Variants in RIN2 observed in about 807,000 individuals in gnomAD.
The protein encoded by RIN2 is Ras and Rab interactor 2.
RIN2 carries 36 observed loss-of-function variants against 78.0 expected under a neutral mutation model. That is an observed-to-expected ratio of 0.46 (90% CI 0.35 to 0.61). The LOEUF is 0.61. RIN2 is among the 20% of genes least tolerant of loss of function. The pLI is 0.00. For synonymous variants in RIN2, 466 were observed against 466.8 expected, an observed-to-expected ratio of 1.00 and a Z score of 0.02; for missense variants, 1,087 against 1,159.7, an observed-to-expected ratio of 0.94 and a Z score of 0.91.
intron 3 of RIN2, among the ~76,000 whole-genome samples, chr20:19,902,335 C>T (rs2039024688): frequency 1.3e-5 from 2 of 152,148 alleles, no homozygotes; most frequent in Admixed American, 1.3e-4. Flanking sequence ...GCAGTCTCTC[C>T]TCCCACCACC....
At chr20:19,880,464 A>G (rs970104761) in intron 2 of RIN2, among the ~76,000 whole-genome samples, 2 of 123,828 alleles carry the variant, frequency 1.6e-5, no homozygotes, top group African/African-American at 3.2e-5. Flanking sequence ...GTGCAGTTGC[A>G]TGATTAATGC....
At chr20:19,888,336 C>T (rs2038288126) in intron 2 of RIN2, among the ~76,000 whole-genome samples, 1 of 152,180 alleles carries the variant, frequency 6.6e-6, no homozygotes, top group Admixed American at 6.5e-5. Context: ...AACCTTTGTG[C>T]AAAGATCCTT....
intron 2 of RIN2, among the ~76,000 whole-genome samples, chr20:19,856,371 AT>A (rs1005228631): frequency 1.3e-5 from 2 of 152,078 alleles, no homozygotes; most frequent in African/African-American, 2.4e-5. Flanking sequence ...TTAAAAAATA[AT>A]TTTAATTAGC....
At chr20:19,890,533 C>T (rs1011081671) in intron 3 of RIN2, among the ~76,000 whole-genome samples, 5 of 151,854 alleles carry the variant, frequency 3.3e-5, no homozygotes, top group African/African-American at 9.7e-5. Flanking sequence ...AGGAGGAAGA[C>T]GGAGGAGATT....
chr20:19,900,134 T>G (rs1300069100), intron 3 of RIN2, among the ~76,000 whole-genome samples: 1 of 152,188 alleles, frequency 6.6e-6, no homozygotes, highest in Non-Finnish European at 1.5e-5. Context: ...TTTTTTGGTT[T>G]TTTCCAAGTG....
intron 11 of RIN2, among the ~76,000 whole-genome samples, chr20:19,995,450 T>C (rs966664218): frequency 6.6e-6 from 1 of 152,118 alleles, no homozygotes; most frequent in African/African-American, 2.4e-5. Flanking sequence ...TAATAAACAT[T>C]CAGGGCGACC....
At chr20:19,776,529 C>T (rs867127461) in intron 1 of RIN2, among the ~76,000 whole-genome samples, 5 of 151,944 alleles carry the variant, frequency 3.3e-5, no homozygotes, top group South Asian at 2.1e-4. Flanking sequence ...GTCAGGAGTT[C>T]GAGACAAGCC....
At chr20:19,925,574 T>TA (rs1221374852) in intron 3 of RIN2, among the ~76,000 whole-genome samples, 9 of 152,056 alleles carry the variant, frequency 5.9e-5, no homozygotes, top group Non-Finnish European at 1.2e-4. Context: ...AACTTAATTT[T>TA]AAAAAATCAA....
At chr20:19,959,702 T>G (rs564006113) in intron 5 of RIN2, among the ~76,000 whole-genome samples, 1 of 152,238 alleles carries the variant, frequency 6.6e-6, no homozygotes, top group African/African-American at 2.4e-5. Context: ...GGTGTTTAAA[T>G]GCAGAGGAAA....
At chr20:19,815,183 C>A (rs771774028) in intron 2 of RIN2, among the ~76,000 whole-genome samples, 1 of 152,122 alleles carries the variant, frequency 6.6e-6, no homozygotes, top group Non-Finnish European at 1.5e-5. Context: ...AGTCTAACAA[C>A]AATGAATCCA....
At chr20:19,813,737 G>C (rs4813373) in intron 2 of RIN2, among the ~76,000 whole-genome samples, 42,826 of 152,006 alleles carry the variant, frequency 0.28, 6,151 homozygotes, top group South Asian at 0.39. Flanking sequence ...AAAATGAAAA[G>C]TTATTTTAAA....
intron 2 of RIN2, among the ~76,000 whole-genome samples, chr20:19,818,111 T>A (rs1243702080): frequency 6.6e-6 from 1 of 152,234 alleles, no homozygotes; most frequent in Non-Finnish European, 1.5e-5. Flanking sequence ...TGTACTGTAC[T>A]GAATACCATC....
At chr20:19,923,552 A>G (rs1231327498) in intron 3 of RIN2, among the ~76,000 whole-genome samples, 1 of 152,110 alleles carries the variant, frequency 6.6e-6, no homozygotes, top group East Asian at 1.9e-4. Context: ...CCAAGGTGGG[A>G]GGATTACTTG....
intron 2 of RIN2, among the ~76,000 whole-genome samples, chr20:19,884,037 G>A (rs1359012849): frequency 1.3e-5 from 2 of 149,592 alleles, no homozygotes; most frequent in African/African-American, 2.5e-5. Flanking sequence ...CTGGCCTCAA[G>A]CATTCCTTCT....
intron 3 of RIN2, among the ~76,000 whole-genome samples, chr20:19,927,720 T>A (rs1415080315): frequency 6.6e-6 from 1 of 151,494 alleles, no homozygotes; most frequent in African/African-American, 2.4e-5. Flanking sequence ...CAGCCAATTT[T>A]TTACTTTTTT....
At chr20:19,987,734 C>T (rs2042666153) in intron 9 of RIN2, among the ~76,000 whole-genome samples, 1 of 152,192 alleles carries the variant, frequency 6.6e-6, no homozygotes, top group Non-Finnish European at 1.5e-5. Context: ...CTTATTAACA[C>T]AAAGCAACCA....
At chr20:19,874,149 A>C (rs371651818) in intron 2 of RIN2, among the ~76,000 whole-genome samples, 1 of 152,160 alleles carries the variant, frequency 6.6e-6, no homozygotes, top group East Asian at 1.9e-4. Flanking sequence ...ACAACTGTTT[A>C]AGGGCAAGAA....
intron 2 of RIN2, among the ~76,000 whole-genome samples, chr20:19,877,431 G>A (rs1046376912): frequency 6.6e-6 from 1 of 152,176 alleles, no homozygotes; most frequent in African/African-American, 2.4e-5. Flanking sequence ...CTGAGAGCGA[G>A]GTTTCAGAAG....
chr20:19,942,488 G>A (rs148739565), intron 4 of RIN2, among the ~76,000 whole-genome samples: 1 of 152,274 alleles, frequency 6.6e-6, no homozygotes. Context: ...AGTAAAACGT[G>A]TACATGGTGG....
Sources: allele counts gnomAD v4.1 joint callset (sites outside exome capture counted in the v4.1 genomes callset), GRCh38; gene constraint gnomAD v4.1.1; transcripts MANE v1.5; gene names NCBI Gene and HGNC (gene_info 2026-07-23, HGNC 2026-07-21).